DLGAP2: variants seen among roughly 807,000 people sequenced by gnomAD.
The protein encoded by DLGAP2 is DLG associated protein 2, also known as disks large-associated protein 2.
In DLGAP2, 26 loss-of-function variants were observed where a neutral mutation model predicts 100.3. The ratio of observed to expected loss-of-function variants is 0.26; its 90% CI spans 0.19 to 0.36. The LOEUF is 0.36. Ranked by LOEUF, DLGAP2 falls within the 10% of genes least tolerant of loss-of-function variation. The probability of loss-of-function intolerance (pLI) is 1.00; values close to 1 mark genes in which losing one functional copy is unlikely to be tolerated. For missense variants in DLGAP2, 1,858 were observed against 1,453.2 expected (o/e 1.28, Z -4.53); for synonymous variants, 886 against 630.1 (o/e 1.41, Z -6.08).
intron 1 of DLGAP2, among the ~76,000 whole-genome samples, chr8:749,663 G>T (rs1327428549): frequency 3.3e-5 from 5 of 152,210 alleles, no homozygotes; most frequent in African/African-American, 1.2e-4. Context: ...TTCTGAAAAT[G>T]TAGATCTTTT....
At chr8:952,579 G>C (rs1392062332) in intron 2 of DLGAP2, among the ~76,000 whole-genome samples, 1 of 152,142 alleles carries the variant, frequency 6.6e-6, no homozygotes, top group Admixed American at 6.5e-5. Flanking sequence ...GGAAGCTGCA[G>C]TGAGCTGAGA....
At chr8:792,076 C>T (rs961814999) in intron 1 of DLGAP2, among the ~76,000 whole-genome samples, 1 of 152,144 alleles carries the variant, frequency 6.6e-6, no homozygotes, top group African/African-American at 2.4e-5. Context: ...TTTTATCAGC[C>T]TTTCATGTTT....
At chr8:1,267,558 CAAAAT>C (rs551085463) in intron 3 of DLGAP2, among the ~76,000 whole-genome samples, 5,138 of 63,000 alleles carry the variant, frequency 0.082, 468 homozygotes, top group South Asian at 0.13. Flanking sequence ...AATTCCCGCT[CAAAAT>C]AAAATAAAAT....
chr8:1,113,441 A>G (rs917197467), intron 2 of DLGAP2, among the ~76,000 whole-genome samples: 1 of 151,976 alleles, frequency 6.6e-6, no homozygotes, highest in African/African-American at 2.4e-5. Context: ...ATTCCTAGGT[A>G]TTTTATTCTT....
intron 2 of DLGAP2, among the ~76,000 whole-genome samples, chr8:1,171,454 C>T (rs919204130): frequency 1.3e-5 from 2 of 151,822 alleles, no homozygotes; most frequent in African/African-American, 2.4e-5. Context: ...CTTTCTGTCT[C>T]ATTGATCTGT....
intron 2 of DLGAP2, among the ~76,000 whole-genome samples, chr8:975,179 A>G (rs1800131852): frequency 6.6e-6 from 1 of 152,246 alleles, no homozygotes; most frequent in East Asian, 1.9e-4. Context: ...CAAACCTGTC[A>G]AAACTCACAC....
intron 1 of DLGAP2, among the ~76,000 whole-genome samples, chr8:907,570 C>G (rs896305630): frequency 6.6e-6 from 1 of 152,192 alleles, no homozygotes; most frequent in South Asian, 2.1e-4. Context: ...ATTTTAAAAG[C>G]CATCACAAAA....
chr8:841,729 G>A (rs1036233600), intron 1 of DLGAP2, among the ~76,000 whole-genome samples: 6 of 152,004 alleles, frequency 3.9e-5, no homozygotes, highest in Non-Finnish European at 4.4e-5. Flanking sequence ...CGCAGGTGCC[G>A]CCCCCCACAC....
intron 3 of DLGAP2, among the ~76,000 whole-genome samples, chr8:1,484,713 G>T (rs754617077): frequency 6.6e-6 from 1 of 152,238 alleles, no homozygotes; most frequent in Admixed American, 6.5e-5. Flanking sequence ...AAACTCTTAT[G>T]GGAGATCCAT....
intron 3 of DLGAP2, among the ~76,000 whole-genome samples, chr8:1,378,342 C>T (rs927074018): frequency 1.3e-5 from 2 of 151,350 alleles, no homozygotes; most frequent in African/African-American, 4.9e-5. Flanking sequence ...CCTGCACACA[C>T]CTGACCTCAC....
At chr8:1,588,112 T>G (rs1217718741) in intron 6 of DLGAP2, among the ~76,000 whole-genome samples, 1 of 152,218 alleles carries the variant, frequency 6.6e-6, no homozygotes, top group African/African-American at 2.4e-5. Flanking sequence ...CAACCATTCC[T>G]TAAATATGAG....
chr8:1,147,321 A>G (rs1468730471), intron 2 of DLGAP2, among the ~76,000 whole-genome samples: 3 of 152,108 alleles, frequency 2.0e-5, no homozygotes, highest in Admixed American at 6.5e-5. Flanking sequence ...TTTTATTGCT[A>G]TTGTATGGAA....
intron 3 of DLGAP2, among the ~76,000 whole-genome samples, chr8:1,364,527 C>T (rs1031334954): frequency 2.0e-5 from 3 of 151,674 alleles, no homozygotes; most frequent in African/African-American, 4.9e-5. Flanking sequence ...GAAGCAGACA[C>T]ATTTTCCCTG....
At chr8:1,300,328 G>T (rs1340023808) in intron 3 of DLGAP2, 1 of 152,136 alleles carries the variant, frequency 6.6e-6, no homozygotes, top group Non-Finnish European at 1.5e-5. Flanking sequence ...GGGGACTGAG[G>T]GGAAGGGTAG....
At chr8:1,101,085 G>A (rs1173163128) in intron 2 of DLGAP2, among the ~76,000 whole-genome samples, 2 of 152,226 alleles carry the variant, frequency 1.3e-5, no homozygotes, top group African/African-American at 4.8e-5. Context: ...TCAGGGGCTA[G>A]AAGGGCCTGA....
chr8:1,097,837 CGGGGCAGGCCTTCACCG>C (rs1804436612), intron 2 of DLGAP2, among the ~76,000 whole-genome samples: 2 of 140,098 alleles, frequency 1.4e-5, no homozygotes, highest in Admixed American at 1.4e-4. Context: ...GCTGGCAGCC[CGGGGCAGGCCTTCACCG>C]TCTGTGGCAT....
intron 4 of DLGAP2, among the ~76,000 whole-genome samples, chr8:1,545,416 T>C (rs1253839450): frequency 6.6e-6 from 1 of 152,164 alleles, no homozygotes; most frequent in Non-Finnish European, 1.5e-5. Flanking sequence ...TATTCTGAAT[T>C]TGGGGAGATG....
Position 1,408,420 on chromosome 8 carries a change from C to T in DLGAP2, c.107-92946C>T, listed in dbSNP as rs535081780. Reference sequence around the variant, plus strand: ...AGTTCGCCACAACCTGTTAGTTCACCTGGGGCCTTGCGTAATCTCCACGAG... The same window carrying T: ...AGTTCGCCACAACCTGTTAGTTCACTTGGGGCCTTGCGTAATCTCCACGAG... On this transcript the variant is annotated intron_variant, in intron 3 of 14. Transcript: ENST00000637795. 4.8e-5 allele frequency among the ~76,000 whole-genome samples: 7 copies of T among 147,230 alleles called. No individual in the cohort carries two copies. The South Asian group carries it at 1.3e-3, about 27-fold the overall frequency.
chr8:777,544 T>A (rs1296976328), intron 1 of DLGAP2, among the ~76,000 whole-genome samples: 1 of 152,090 alleles, frequency 6.6e-6, no homozygotes, highest in Non-Finnish European at 1.5e-5. Context: ...AGGGCAGGCC[T>A]GGTGGTGACA....
Sources: gnomAD v4.1 joint callset for allele counts (sites outside exome capture counted in the v4.1 genomes callset) on GRCh38, gnomAD v4.1.1 for gene constraint, MANE v1.5 for transcripts, NCBI Gene and HGNC (gene_info 2026-07-23, HGNC 2026-07-21) for gene names.